Variants in ADCY9 observed in about 807,000 individuals in gnomAD.
ADCY9 encodes the protein adenylate cyclase 9, also known as adenylate cyclase type 9.
ADCY9 carries 50 observed loss-of-function variants against 101.5 expected under a neutral mutation model. That is an observed-to-expected ratio of 0.49 (90% CI 0.39 to 0.62). The LOEUF (loss-of-function observed/expected upper bound fraction) is 0.62, where lower values mean the gene tolerates loss of function less well. ADCY9 is among the 20% of genes least tolerant of loss of function. ADCY9 has a pLI of 0.00. For missense variants in ADCY9, 1,662 were observed against 1,800.4 expected, an observed-to-expected ratio of 0.92 and a Z score of 1.39; for synonymous variants, 905 against 769.3, an observed-to-expected ratio of 1.18 and a Z score of -2.92.
At chr16:4,018,508 C>T (rs921421567) in intron 2 of ADCY9, among the ~76,000 whole-genome samples, 2 of 151,998 alleles carry the variant, frequency 1.3e-5, no homozygotes, top group African/African-American at 2.4e-5. Flanking sequence ...CCACCGCGCC[C>T]GGCTGATGCT....
At chr16:4,039,417 G>A (rs1041115983) in intron 2 of ADCY9, among the ~76,000 whole-genome samples, 14 of 152,018 alleles carry the variant, frequency 9.2e-5, no homozygotes, top group African/African-American at 2.7e-4. Context: ...GGTGGCTCAC[G>A]CCTGTAATCC....
Position 4,005,971 on chromosome 16 carries a change from CACA to C in ADCY9, c.1884+1394_1884+1396del, listed in dbSNP as rs564835889. On this transcript the variant is annotated intron_variant, in intron 3 of 10. Coordinates refer to ENST00000294016, the MANE Select transcript of ADCY9 (RefSeq NM_001116.4). The stretch of plus-strand genomic sequence containing the variant: ...CCAGAGCTCCATTTTCTGACTCCTG[CACA>C]ACGTCAGCCCAGGCAAGGCGGCTGT... Among the ~76,000 whole-genome samples, 37 of 152,280 alleles carry C rather than the reference CACA, an allele frequency of 2.4e-4. No individual in the cohort carries two copies. In the South Asian group the frequency reaches 7.5e-3, roughly 31 times the overall value.
chr16:4,060,287 G>T (rs141680207), intron 2 of ADCY9, among the ~76,000 whole-genome samples: 3 of 152,334 alleles, frequency 2.0e-5, no homozygotes, highest in African/African-American at 7.2e-5. Context: ...TAAAGTCCCT[G>T]AAGTCCCACA....
chr16:3,970,377 G>C (rs2141675488), intron 10 of ADCY9, among the ~76,000 whole-genome samples: 1 of 152,124 alleles, frequency 6.6e-6, no homozygotes, highest in Non-Finnish European at 1.5e-5. Flanking sequence ...GCCCTGGCTG[G>C]AGTGCAATGG....
chr16:3,960,521 C>T (rs2055931599), downstream of ADCY9, among the ~76,000 whole-genome samples: 1 of 151,988 alleles, frequency 6.6e-6, no homozygotes, highest in Non-Finnish European at 1.5e-5. Context: ...GACTCTGTCT[C>T]AAAAAAACCA....
chr16:4,100,071 T>C (rs2057032523), intron 2 of ADCY9, among the ~76,000 whole-genome samples: 1 of 152,056 alleles, frequency 6.6e-6, no homozygotes, highest in Non-Finnish European at 1.5e-5. Flanking sequence ...GGGGACTAGA[T>C]CATGGGGGTG....
In ADCY9 at chr16:4,057,051, C is replaced by A. The variant is rs770637575; in HGVS notation, c.1694-49493G>T. 6.2e-3 allele frequency among the ~76,000 whole-genome samples: 814 copies of A among 132,180 alleles called. 21 individuals are homozygous for A. The highest frequency in any genetic ancestry group is 8.2e-3 in the Non-Finnish European group (507 of 61,536). The allele number at this position is 132,180 out of a possible 152,430, so 86.7% of individuals were successfully genotyped here. ...ACTGATGAAACCGCCCCCCCCCCCCCCGCCAATCTTACTCTTCTGTTATTT... is the reference window on the plus strand; with the variant it reads ...ACTGATGAAACCGCCCCCCCCCCCCACGCCAATCTTACTCTTCTGTTATTT... On this transcript the variant is annotated intron_variant, in intron 2 of 10. Coordinates refer to ENST00000294016, the MANE Select transcript of ADCY9 (RefSeq NM_001116.4).
chr16:4,035,384 T>C lies in ADCY9; in HGVS notation c.1694-27826A>G, dbSNP rs192469960. ...ACTTAATATATAATACACAATGATA[T>C]GTGGGTATTAAATATTATGAGTCAT... On this transcript the variant is annotated intron_variant, in intron 2 of 10. Transcript: ENST00000294016. Among the ~76,000 whole-genome samples, 63 of 152,302 alleles carry C rather than the reference T, an allele frequency of 4.1e-4. No homozygotes were observed. The East Asian group carries it at 6.9e-3, about 17-fold the overall frequency.
chr16:3,977,460 G>A (rs543707645), intron 9 of ADCY9, 22 bp downstream of exon 9: 7 of 1,544,558 alleles, frequency 4.5e-6, no homozygotes, highest in African/African-American at 2.7e-5. Flanking sequence ...CCTGGTGCCC[G>A]CAAGCAGTGC....
chr16:4,114,796 G>C lies in ADCY9; in HGVS notation c.647C>G (p.Thr216Ser). ...NLTATARPTDTCLSQVGSFSM... is the reference protein window; with the variant it reads ...NLTATARPTDSCLSQVGSFSM... ...GAAGCTCCCCACTTGAGATAAGCAAGTATCTGTGGGCCGGGCTGTGGCCGT... is the reference window on the plus strand; with the variant it reads ...GAAGCTCCCCACTTGAGATAAGCAACTATCTGTGGGCCGGGCTGTGGCCGT... Residue 216 changes from threonine to serine, a missense_variant, in exon 2 of 11, where the codon ACT becomes AGT. Physicochemically the swap from Thr to Ser is moderately conservative, Grantham distance 58. Transcript: ENST00000294016. The surrounding 1 kb of genome is among the most constrained non-coding windows in gnomAD (Gnocchi z 4.3). 1.2e-6 allele frequency: 2 copies of C among 1,613,376 alleles called. No individual in the cohort carries two copies. The highest frequency in any genetic ancestry group is 1.1e-5 in the South Asian group (1 of 91,088).
intron 6 of ADCY9, among the ~76,000 whole-genome samples, chr16:3,987,953 G>A (rs938620099): frequency 6.6e-6 from 1 of 152,100 alleles, no homozygotes; most frequent in Non-Finnish European, 1.5e-5. Flanking sequence ...CCCCTAAGGA[G>A]CACTTGTGAG....
rs2055984127 is a variant in ADCY9 at position 3,965,682 on chromosome 16, G to A, written c.*93C>T. 4 of 1,194,134 alleles carry A rather than the reference G, an allele frequency of 3.3e-6. No homozygotes were observed. The highest frequency in any genetic ancestry group is 4.7e-6 in the Non-Finnish European group (4 of 843,936). 74.0% of individuals were successfully genotyped at this position (1,194,134 alleles called of 1,614,324 possible). On this transcript the variant is annotated 3_prime_UTR_variant, in exon 11 of 11. Coordinates refer to ENST00000294016, the MANE Select transcript of ADCY9 (RefSeq NM_001116.4). ...ACCACATAACACCACGTCCGGGGAG[G>A]GCAACTGTGGCGCTTGGAAAGCACA... is the stretch of plus-strand genomic sequence containing the variant.
At chr16:4,076,980 A>T (rs1466865392) in intron 2 of ADCY9, among the ~76,000 whole-genome samples, 2 of 151,920 alleles carry the variant, frequency 1.3e-5, no homozygotes, top group African/African-American at 4.8e-5. Flanking sequence ...AGGGGGCTGA[A>T]GAAGGAGAAT....
chr16:4,081,016 C>T (rs188832710), intron 2 of ADCY9, among the ~76,000 whole-genome samples: 51 of 152,246 alleles, frequency 3.3e-4, no homozygotes, highest in Non-Finnish European at 2.1e-4. Context: ...GAGATGAGAA[C>T]TGAACCTTGA....
intron 2 of ADCY9, among the ~76,000 whole-genome samples, chr16:4,110,853 G>A (rs577686990): frequency 1.0e-3 from 154 of 152,302 alleles, no homozygotes; most frequent in African/African-American, 3.5e-3. Flanking sequence ...GCACACTGGT[G>A]GGCGTGCCTT....
At chr16:4,108,524 C>T (rs969293976) in intron 2 of ADCY9, among the ~76,000 whole-genome samples, 19 of 151,652 alleles carry the variant, frequency 1.3e-4, no homozygotes, top group Admixed American at 8.6e-4. Flanking sequence ...AAGGCGCCTG[C>T]GACCACACCC....
At chr16:4,107,341 A>G (rs2057083461) in intron 2 of ADCY9, among the ~76,000 whole-genome samples, 1 of 152,048 alleles carries the variant, frequency 6.6e-6, no homozygotes, top group African/African-American at 2.4e-5. Flanking sequence ...ACCTGAGGTC[A>G]GGAGTTCAAG....
intron 2 of ADCY9, among the ~76,000 whole-genome samples, chr16:4,045,179 T>G (rs2056654119): frequency 6.6e-6 from 1 of 152,080 alleles, no homozygotes; most frequent in African/African-American, 2.4e-5. Flanking sequence ...ATTCCCAGCC[T>G]TGGTAGACAC....
chr16:3,990,178 G>A (rs2056232618), intron 5 of ADCY9, among the ~76,000 whole-genome samples: 2 of 152,108 alleles, frequency 1.3e-5, no homozygotes, highest in South Asian at 4.1e-4. Context: ...AAGTAAATTA[G>A]ACGAGGCTGG....
Sources: allele counts gnomAD v4.1 joint callset (sites outside exome capture counted in the v4.1 genomes callset), GRCh38; gene constraint gnomAD v4.1.1; non-coding constraint Gnocchi (gnomAD v3.1); transcripts MANE v1.5; gene names NCBI Gene and HGNC (gene_info 2026-07-23, HGNC 2026-07-21).